The following SPA17 variants were observed in gnomAD, a reference collection of about 807,000 sequenced individuals.
SPA17 encodes the protein sperm autoantigenic protein 17.
In SPA17, 7 loss-of-function variants were observed where a neutral mutation model predicts 13.8. The ratio of observed to expected loss-of-function variants is 0.51; its 90% CI spans 0.29 to 0.95. The LOEUF (loss-of-function observed/expected upper bound fraction) is 0.95, where lower values mean the gene tolerates loss of function less well. Among genes scored for constraint, SPA17 ranks in the 40% least tolerant of loss-of-function variants. The pLI, the probability that SPA17 is intolerant of heterozygous loss-of-function variation, is 0.08. For synonymous variants in SPA17, 61 were observed against 59.0 expected, an observed-to-expected ratio of 1.03 and a Z score of -0.16; for missense variants, 170 against 179.3, an observed-to-expected ratio of 0.95 and a Z score of 0.30.
chr11:124,679,612 A>C (rs1943506635), intron 2 of SPA17, among the ~76,000 whole-genome samples: 1 of 152,242 alleles, frequency 6.6e-6, no homozygotes, highest in African/African-American at 2.4e-5. Flanking sequence ...GTCTCAAAAC[A>C]ATGACCAACC....
At chr11:124,680,849 A>G (rs965951185) in intron 2 of SPA17, among the ~76,000 whole-genome samples, 7 of 152,162 alleles carry the variant, frequency 4.6e-5, no homozygotes, top group Non-Finnish European at 4.4e-5. Flanking sequence ...CAGTATGCTC[A>G]TGGGAGTTTG....
At chr11:124,686,190 T>TGGGGG (rs60389113) in intron 3 of SPA17, among the ~76,000 whole-genome samples, 15 of 74,830 alleles carry the variant, frequency 2.0e-4, no homozygotes, top group African/African-American at 4.0e-4. Flanking sequence ...GAATCATGGG[T>TGGGGG]GGGGGGGGGG....
chr11:124,686,448 A>G (rs1591406363), intron 3 of SPA17, among the ~76,000 whole-genome samples: 1 of 152,350 alleles, frequency 6.6e-6, no homozygotes. Flanking sequence ...GGACCTAACA[A>G]ACATTTACAG....
chr11:124,675,927 A>C (rs1407508207), intron 2 of SPA17: 2 of 152,800 alleles, frequency 1.3e-5, no homozygotes, highest in African/African-American at 4.8e-5. Context: ...ACTGTTCTGC[A>C]ATAACGGCAC....
At chr11:124,687,995 A>G (rs976497176) in intron 3 of SPA17, among the ~76,000 whole-genome samples, 1 of 152,080 alleles carries the variant, frequency 6.6e-6, no homozygotes, top group Non-Finnish European at 1.5e-5. Context: ...GAAGTCACTT[A>G]TCTCTGTTCA....
chr11:124,675,352 G>C lies in SPA17; in HGVS notation c.88G>C (p.Glu30Gln). 2.5e-6 allele frequency: 4 copies of C among 1,614,206 alleles called. No homozygotes were observed. The highest frequency in any genetic ancestry group is 2.2e-5 in the South Asian group (2 of 91,084). ...LEGLTREILR[E>Q]QPDNIPAFAA... ...AGGGCTGACACGCGAGATTCTGAGA[G>C]AGCAACCGGACAATATACCAGCTTT... is the stretch of plus-strand genomic sequence containing the variant. Residue 30 changes from glutamate to glutamine, a missense_variant, in exon 2 of 5, where the codon GAG becomes CAG. Physicochemically the swap from Glu to Gln is conservative, Grantham distance 29 (BLOSUM62 2). Transcript: ENST00000227135.
chr11:124,691,380 A>G (rs1379992241), intron 3 of SPA17, among the ~76,000 whole-genome samples: 2 of 152,150 alleles, frequency 1.3e-5, no homozygotes, highest in Non-Finnish European at 2.9e-5. Flanking sequence ...TCATTACATC[A>G]TCTTATCAAC....
intron 3 of SPA17, among the ~76,000 whole-genome samples, chr11:124,686,190 T>TGGGG (rs60389113): frequency 2.3e-3 from 173 of 74,538 alleles, no homozygotes; most frequent in African/African-American, 6.4e-3. Flanking sequence ...GAATCATGGG[T>TGGGG]GGGGGGGGGG....
chr11:124,674,853 A>C, intron 1 of SPA17: 1 of 153,842 alleles, frequency 6.5e-6, no homozygotes, highest in Non-Finnish European at 1.4e-5. Flanking sequence ...AAAAAAATAG[A>C]CCTCAAAGAA....
intron 2 of SPA17, among the ~76,000 whole-genome samples, chr11:124,679,475 C>T (rs113721529): frequency 7.4e-4 from 113 of 152,144 alleles, no homozygotes; most frequent in African/African-American, 2.6e-3. Flanking sequence ...AAACAACATA[C>T]AATTATGAAA....
chr11:124,675,151 G>A, intron 1 of SPA17, 87 bp from the exon 2 acceptor site: 2 of 1,314,398 alleles, frequency 1.5e-6, no homozygotes, highest in Non-Finnish European at 2.1e-6. Flanking sequence ...AGATGTATGA[G>A]TCTCAGAAAT....
intron 3 of SPA17, among the ~76,000 whole-genome samples, chr11:124,686,542 G>A (rs1250378139): frequency 6.6e-6 from 1 of 151,982 alleles, no homozygotes; most frequent in African/African-American, 2.4e-5. Flanking sequence ...ATTGTGTTAG[G>A]GCACAAAACA....
chr11:124,685,737 A>G (rs931982526), intron 3 of SPA17, among the ~76,000 whole-genome samples: 1 of 152,188 alleles, frequency 6.6e-6, no homozygotes, highest in Non-Finnish European at 1.5e-5. Context: ...TGGATTTGAG[A>G]CATGGACTCA....
At position 124,694,506 on chromosome 11, in the gene SPA17, T is replaced by C. The variant is rs111712166; in HGVS notation, c.*60T>C. ...TAATCCAAATCCATCAACCTTCTTA[T>C]TAATGTCATTTCTTCCTGAGGAAGG... On this transcript the variant is annotated 3_prime_UTR_variant, in exon 5 of 5. Transcript: ENST00000227135. 22 of 1,536,492 alleles carry C rather than the reference T, an allele frequency of 1.4e-5. 1 individual carries two copies. The Admixed American group carries it at 2.0e-4, about 14-fold the overall frequency.
chr11:124,688,507 A>G (rs1943596117), intron 3 of SPA17, among the ~76,000 whole-genome samples: 1 of 152,230 alleles, frequency 6.6e-6, no homozygotes, highest in South Asian at 2.1e-4. Flanking sequence ...TAAAAAACAC[A>G]TAGGAGTAAA....
Position 124,691,643 on chromosome 11 carries a change from G to T in SPA17, c.226-53G>T. 2.4e-6 allele frequency: 3 copies of T among 1,228,348 alleles called. No individual in the cohort carries two copies. The South Asian group carries it at 4.3e-5, about 17-fold the overall frequency. 76.1% of individuals were successfully genotyped at this position (1,228,348 alleles called of 1,614,324 possible). A position where few individuals can be genotyped will look rare whatever the true frequency, so the allele number is the denominator to read the frequency against. On this transcript the variant is annotated intron_variant, in intron 3 of 4. Transcript: ENST00000227135. ...ATTACTTCTAAGCAGTTTGATACAA[G>T]ACTTTGCCATTTTGGAAACATTGCT...
rs140581360 is a variant in SPA17, at chr11:124,688,149, G to A, written c.226-3547G>A. On this transcript the variant is annotated intron_variant, in intron 3 of 4. Coordinates refer to ENST00000227135, the MANE Select transcript of SPA17 (RefSeq NM_017425.4). ...CCATCTTATCCTCCCAAGTTGCTAG[G>A]ACTACAAACATGTGCCACCACACTG... 5.6e-3 allele frequency among the ~76,000 whole-genome samples: 856 copies of A among 152,228 alleles called. 1 individual carries two copies. Among genetic ancestry groups the A allele is most frequent in the Non-Finnish European group, 9.2e-3 (624 of 68,030 alleles).
At chr11:124,683,444 A>T (rs1471757946) in intron 3 of SPA17, among the ~76,000 whole-genome samples, 1 of 152,108 alleles carries the variant, frequency 6.6e-6, no homozygotes, top group Non-Finnish European at 1.5e-5. Flanking sequence ...ATAAGACAAA[A>T]GGAACAAAAC....
intron 4 of SPA17, among the ~76,000 whole-genome samples, chr11:124,692,788 T>C (rs1022003326): frequency 2.0e-5 from 3 of 152,186 alleles, no homozygotes; most frequent in Admixed American, 6.5e-5. Flanking sequence ...CAGACTCTTG[T>C]GGACTAGGCC....
Sources: gnomAD v4.1 joint callset for allele counts (sites outside exome capture counted in the v4.1 genomes callset) on GRCh38, gnomAD v4.1.1 for gene constraint, MANE v1.5 for transcripts, NCBI Gene and HGNC (gene_info 2026-07-23, HGNC 2026-07-21) for gene names.